Variants in MYZAP observed in about 807,000 individuals in gnomAD.
MYZAP encodes the protein GRINL1A complex locus upstream.
MYZAP carries 66 observed loss-of-function variants against 69.4 expected under a neutral mutation model. That is an observed-to-expected ratio of 0.95 (90% CI 0.78 to 1.17). The LOEUF (loss-of-function observed/expected upper bound fraction) is 1.17. Among genes scored for constraint, MYZAP ranks in the 50% most tolerant of loss-of-function variants. The pLI, the probability that MYZAP is intolerant of heterozygous loss-of-function variation, is 0.00. For synonymous variants in MYZAP, 256 were observed against 205.9 expected (o/e 1.24, Z -2.09); for missense variants, 611 against 556.2 (o/e 1.10, Z -0.99).
chr15:57,661,188 G>A (rs1427006088), intron 10 of MYZAP, among the ~76,000 whole-genome samples: 1 of 152,188 alleles, frequency 6.6e-6, no homozygotes, highest in Admixed American at 6.6e-5. Context: ...TGTGACTCCA[G>A]AATCATGTCT....
At chr15:57,593,214 A>ACACACACACACACACACACAC (rs1172761785) in intron 1 of MYZAP, among the ~76,000 whole-genome samples, 4 of 141,434 alleles carry the variant, frequency 2.8e-5, no homozygotes, top group South Asian at 2.4e-4. Context: ...ACACACACAC[A>ACACACACACACACACACACAC]CCCCAGAATC....
chr15:57,655,856 G>C (rs2037986619), intron 10 of MYZAP, among the ~76,000 whole-genome samples: 1 of 152,130 alleles, frequency 6.6e-6, no homozygotes. Flanking sequence ...GTTCTATAAG[G>C]AGGCCTACTG....
chr15:57,654,780 A>T (rs1207881987), intron 10 of MYZAP, among the ~76,000 whole-genome samples: 2 of 152,130 alleles, frequency 1.3e-5, no homozygotes, highest in Non-Finnish European at 2.9e-5. Flanking sequence ...CCAGCTGTGG[A>T]TTCCTCACTG....
At chr15:57,663,967 A>AAGTT (rs2038440965) in intron 11 of MYZAP, among the ~76,000 whole-genome samples, 1 of 152,210 alleles carries the variant, frequency 6.6e-6, no homozygotes, top group African/African-American at 2.4e-5. Context: ...TATACAAAAA[A>AAGTT]AGTTGCATAA....
In MYZAP at chr15:57,646,894, A is replaced by G. The variant is rs551863741; in HGVS notation, c.1119+7349A>G. On this transcript the variant is annotated intron_variant, in intron 10 of 12. Coordinates refer to ENST00000267853, the MANE Select transcript of MYZAP (RefSeq NM_001018100.5). ...AATATGTTGAACTGAAACATCCTTC[A>G]TGTATGTTTTATTTTTATAGAGGTC... is the stretch of plus-strand genomic sequence containing the variant. The G allele has an allele frequency of 9.1e-6, 9 of 985,440 alleles. No individual in the cohort carries two copies. The African/African-American group carries it at 1.2e-4, about 13-fold the overall frequency. The allele number at this position is 985,440 out of a possible 1,614,324, so 61.0% of individuals were successfully genotyped here. A position where few individuals can be genotyped will look rare whatever the true frequency, so the allele number is the denominator to read the frequency against.
intron 5 of MYZAP, among the ~76,000 whole-genome samples, chr15:57,626,222 CAGTGCCACAGGA>C (rs1466934820): frequency 6.6e-6 from 1 of 152,200 alleles, no homozygotes; most frequent in Non-Finnish European, 1.5e-5. Context: ...CCTCCAGTCC[CAGTGCCACAGGA>C]AGTGCCACCT....
rs1203936207 is a variant in MYZAP at position 57,625,778 on chromosome 15, G to C, written c.412-1G>C. The C allele has an allele frequency of 6.2e-7, 1 of 1,614,018 alleles. No individual in the cohort carries two copies. Among genetic ancestry groups the C allele is most frequent in the African/African-American group, 1.3e-5 (1 of 74,916 alleles). ...TGTGACTGTCTCCTCGATCTGTCCA[G>C]GTTTCCCATGCTCAGCAGGAGTATC... On this transcript the variant is annotated splice_acceptor_variant, in intron 4 of 12. Coordinates refer to ENST00000267853, the MANE Select transcript of MYZAP (RefSeq NM_001018100.5). LOFTEE classifies it high-confidence loss of function.
At chr15:57,616,663 A>G (rs2035471119) in intron 2 of MYZAP, among the ~76,000 whole-genome samples, 1 of 151,422 alleles carries the variant, frequency 6.6e-6, no homozygotes, top group Non-Finnish European at 1.5e-5. Context: ...TACAAAAATG[A>G]GCCCATGTGG....
intron 1 of MYZAP, 108 bp downstream of exon 1, chr15:57,592,217 C>G: frequency 2.9e-6 from 3 of 1,034,070 alleles, no homozygotes; most frequent in Non-Finnish European, 3.7e-6. Flanking sequence ...CTGGCCCCGA[C>G]GCCCCACCCT....
intron 10 of MYZAP, chr15:57,646,042 C>A: frequency 1.5e-6 from 1 of 663,598 alleles, no homozygotes; most frequent in Non-Finnish European, 2.3e-6. Context: ...ATTTCAAGTA[C>A]TTCTCATAAT....
chr15:57,675,889 G>T (rs1796522987), intron 12 of MYZAP, among the ~76,000 whole-genome samples: 2 of 152,176 alleles, frequency 1.3e-5, no homozygotes, highest in South Asian at 4.1e-4. Flanking sequence ...GTCACAAAAT[G>T]CCTGGTATCG....
At chr15:57,624,615 C>T (rs1595880726) in intron 4 of MYZAP, among the ~76,000 whole-genome samples, 1 of 152,210 alleles carries the variant, frequency 6.6e-6, no homozygotes, top group Admixed American at 6.5e-5. Flanking sequence ...GCAATAGATG[C>T]ATAAACAAGA....
chr15:57,593,810 A>T (rs890781410), intron 1 of MYZAP, among the ~76,000 whole-genome samples: 8 of 152,140 alleles, frequency 5.3e-5, no homozygotes, highest in Non-Finnish European at 1.2e-4. Flanking sequence ...GGTTCTGCCC[A>T]TCTTTATGGT....
intron 2 of MYZAP, among the ~76,000 whole-genome samples, chr15:57,610,037 T>C (rs2035005582): frequency 6.6e-6 from 1 of 152,216 alleles, no homozygotes; most frequent in Admixed American, 6.5e-5. Flanking sequence ...TTAGGGCATC[T>C]GATCTGAGTT....
At chr15:57,604,760 TC>T (rs1178026425) in intron 2 of MYZAP, among the ~76,000 whole-genome samples, 1 of 152,124 alleles carries the variant, frequency 6.6e-6, no homozygotes, top group African/African-American at 2.4e-5. Flanking sequence ...GGGGCTCTGC[TC>T]CCGCAGAAGA....
intron 1 of MYZAP, among the ~76,000 whole-genome samples, chr15:57,603,890 C>A (rs562478339): frequency 3.9e-5 from 6 of 152,298 alleles, no homozygotes; most frequent in East Asian, 1.9e-4. Flanking sequence ...AGCACCCTCC[C>A]TTCCCAATAG....
At chr15:57,673,461 T>TGC (rs1595937474) in intron 11 of MYZAP, among the ~76,000 whole-genome samples, 1 of 125,738 alleles carries the variant, frequency 8.0e-6, no homozygotes, top group South Asian at 2.8e-4. Context: ...CATGCGTGCA[T>TGC]GCGTGTGTGT....
At chr15:57,595,312 A>G (rs147754750) in intron 1 of MYZAP, among the ~76,000 whole-genome samples, 450 of 152,334 alleles carry the variant, frequency 3.0e-3, no homozygotes, top group African/African-American at 9.7e-3. Flanking sequence ...CCTTCAAACC[A>G]GTTGTGCACT....
At chr15:57,607,674 A>C (rs1234317957) in intron 2 of MYZAP, among the ~76,000 whole-genome samples, 1 of 152,204 alleles carries the variant, frequency 6.6e-6, no homozygotes, top group East Asian at 1.9e-4. Flanking sequence ...CAGGTGGACC[A>C]GGCGTGCAGT....
Sources: allele counts gnomAD v4.1 joint callset (sites outside exome capture counted in the v4.1 genomes callset), GRCh38; gene constraint gnomAD v4.1.1; transcripts MANE v1.5; gene names NCBI Gene and HGNC (gene_info 2026-07-23, HGNC 2026-07-21).